Variants in NEO1 observed in about 807,000 individuals in gnomAD.
The protein encoded by NEO1 is neogenin 1.
A neutral mutation model predicts 159.7 loss-of-function variants in NEO1; 63 were observed. That is an observed-to-expected ratio of 0.39 (90% CI 0.32 to 0.49). The LOEUF (loss-of-function observed/expected upper bound fraction) is 0.49, where lower values mean the gene tolerates loss of function less well. NEO1 is among the 20% of genes least tolerant of loss of function. The pLI is 0.85. For missense variants in NEO1, 1,615 were observed against 1,831.0 expected (o/e 0.88, Z 2.15); for synonymous variants, 633 against 662.0 (o/e 0.96, Z 0.67).
intron 6 of NEO1, 85 bp downstream of exon 6, chr15:73,176,642 A>G (rs181530230): frequency 5.1e-5 from 52 of 1,027,584 alleles, no homozygotes; most frequent in Admixed American, 1.1e-4. Context: ...GTTATCTTAT[A>G]TATACTAGTT....
chr15:73,256,340 A>C (rs1261856070), intron 13 of NEO1, among the ~76,000 whole-genome samples: 3 of 152,030 alleles, frequency 2.0e-5, no homozygotes, highest in African/African-American at 7.2e-5. Flanking sequence ...TCTCTACTAA[A>C]AATACAAAAA....
chr15:73,052,800 C>A lies in NEO1; in HGVS notation c.125C>A (p.Ser42Tyr). The change falls in exon 1 of 29, where the codon TCC (serine) becomes TAC (tyrosine). Residue 42 changes from serine to tyrosine, a missense_variant. Physicochemically the swap from Ser to Tyr is moderately radical, Grantham distance 144. Transcript: ENST00000261908. ...GCCAGGAGCGGCTCCGCGCCGCAGT[C>A]CCCAGGTAAGCGGCGGGCGCGGGCC... ...AAARSGSAPQ[S>Y]PGASIRTFTP... The A allele has an allele frequency of 2.9e-6, 3 of 1,025,416 alleles. No homozygotes were observed. Among genetic ancestry groups the A allele is most frequent in the Non-Finnish European group, 3.6e-6 (3 of 836,980 alleles). The allele number at this position is 1,025,416 out of a possible 1,614,324, so 63.5% of individuals were successfully genotyped here.
intron 1 of NEO1, among the ~76,000 whole-genome samples, chr15:73,065,312 T>C (rs998211215): frequency 2.6e-5 from 4 of 152,254 alleles, no homozygotes; most frequent in South Asian, 2.1e-4. Flanking sequence ...TTTTTTTTTT[T>C]CTGCATCTCT....
intron 1 of NEO1, among the ~76,000 whole-genome samples, chr15:73,102,967 A>G (rs533117638): frequency 3.2e-4 from 49 of 152,258 alleles, no homozygotes; most frequent in Non-Finnish European, 6.2e-4. Flanking sequence ...GAAACTTGTC[A>G]TTCATCTTCA....
At chr15:73,078,809 T>C (rs1567145677) in intron 1 of NEO1, among the ~76,000 whole-genome samples, 2 of 152,344 alleles carry the variant, frequency 1.3e-5, no homozygotes, top group South Asian at 2.1e-4. Context: ...CTCTGTGCTT[T>C]AGTTTTCTCA....
At position 73,180,948 on chromosome 15, in the gene NEO1, GAGCTCTTCTTTTTT is replaced by G. The variant is rs1318417451; in HGVS notation, c.1291+2524_1291+2537del. On this transcript the variant is annotated intron_variant, in intron 7 of 28. Transcript: ENST00000261908. ...AGGAATACAGTAACTTACTAGATCTGAGCTCTTCTTTTTTAGAGTTTACAATATAATAAGGGATG... is the reference window on the plus strand; with the variant it reads ...AGGAATACAGTAACTTACTAGATCTGAGAGTTTACAATATAATAAGGGATG... Among the ~76,000 whole-genome samples, 6 of 152,222 alleles carry G rather than the reference GAGCTCTTCTTTTTT, an allele frequency of 3.9e-5. No homozygotes were observed. The East Asian group carries it at 1.2e-3, about 29-fold the overall frequency.
intron 26 of NEO1, 142 bp from the exon 27 acceptor site, chr15:73,298,206 G>C (rs1448583916): frequency 1.0e-6 from 1 of 965,682 alleles, no homozygotes; most frequent in East Asian, 2.6e-5. Context: ...TGGCAGTGGT[G>C]CTAATCCATG....
intron 5 of NEO1, among the ~76,000 whole-genome samples, chr15:73,154,257 A>G (rs140931084): frequency 3.0e-4 from 46 of 152,292 alleles, no homozygotes; most frequent in African/African-American, 9.9e-4. Context: ...TATCGGGTAC[A>G]TGAGATATTT....
chr15:73,149,800 G>A (rs1393985365), intron 5 of NEO1, among the ~76,000 whole-genome samples: 1 of 152,118 alleles, frequency 6.6e-6, no homozygotes, highest in Non-Finnish European at 1.5e-5. Context: ...AGTATTTAAT[G>A]ATAAAAATCA....
Position 73,196,045 on chromosome 15 carries a change from G to A in NEO1, c.1291+17618G>A, listed in dbSNP as rs957387090. ...TTTTATTGGACTGAATGGGTAATGAGCAGAAATACCTTTCTGCTTTTTGTC... is the reference window on the plus strand; with the variant it reads ...TTTTATTGGACTGAATGGGTAATGAACAGAAATACCTTTCTGCTTTTTGTC... On this transcript the variant is annotated intron_variant, in intron 7 of 28. Coordinates refer to ENST00000261908, the MANE Select transcript of NEO1 (RefSeq NM_002499.4). Among the ~76,000 whole-genome samples the A allele has an allele frequency of 7.9e-5, 12 of 152,308 alleles. No homozygotes were observed. The South Asian group carries it at 2.5e-3, about 32-fold the overall frequency.
intron 15 of NEO1, among the ~76,000 whole-genome samples, chr15:73,264,656 A>T (rs2040800849): frequency 6.6e-6 from 1 of 152,216 alleles, no homozygotes; most frequent in Admixed American, 6.5e-5. Flanking sequence ...AGAGGTGGAG[A>T]AATGCAGTTA....
At chr15:73,118,798 T>C (rs1382247336) in intron 2 of NEO1, among the ~76,000 whole-genome samples, 1 of 152,238 alleles carries the variant, frequency 6.6e-6, no homozygotes, top group African/African-American at 2.4e-5. Context: ...AAATAAAAGT[T>C]CTTTTAAATA....
intron 7 of NEO1, among the ~76,000 whole-genome samples, chr15:73,208,439 A>G (rs1410986252): frequency 6.6e-6 from 1 of 152,228 alleles, no homozygotes. Context: ...TCTTTCTCAC[A>G]AGACATCCCA....
intron 7 of NEO1, among the ~76,000 whole-genome samples, chr15:73,180,706 A>G (rs1449313277): frequency 6.6e-6 from 1 of 152,158 alleles, no homozygotes; most frequent in African/African-American, 2.4e-5. Context: ...CTCTGAAAAT[A>G]TTTGGATAGT....
intron 14 of NEO1, among the ~76,000 whole-genome samples, chr15:73,259,849 G>A (rs2040539413): frequency 6.6e-6 from 1 of 152,128 alleles, no homozygotes; most frequent in Non-Finnish European, 1.5e-5. Flanking sequence ...GCTATAATGT[G>A]ATGCTTAAAC....
chr15:73,271,766 A>T (rs1741906508), intron 18 of NEO1, among the ~76,000 whole-genome samples: 1 of 151,838 alleles, frequency 6.6e-6, no homozygotes, highest in Non-Finnish European at 1.5e-5. Flanking sequence ...AATTAGCTGG[A>T]TGTGGTGGTG....
At chr15:73,264,062 T>G (rs1323397401) in intron 15 of NEO1, among the ~76,000 whole-genome samples, 1 of 151,854 alleles carries the variant, frequency 6.6e-6, no homozygotes, top group Non-Finnish European at 1.5e-5. Context: ...TGGTGTGTGC[T>G]TCTAGTCCCA....
chr15:73,210,992 C>T (rs777344155), intron 7 of NEO1, among the ~76,000 whole-genome samples: 46 of 152,274 alleles, frequency 3.0e-4, no homozygotes, highest in Non-Finnish European at 5.3e-4. Context: ...AAACGAATGT[C>T]ATAACATAAA....
chr15:73,279,468 CCT>C (rs2041590550), intron 22 of NEO1, among the ~76,000 whole-genome samples: 1 of 151,606 alleles, frequency 6.6e-6, no homozygotes, highest in Non-Finnish European at 1.5e-5. Context: ...CCTGCCTCAG[CCT>C]CTCGAGTAGC....
Sources: gnomAD v4.1 joint callset for allele counts (sites outside exome capture counted in the v4.1 genomes callset) on GRCh38, gnomAD v4.1.1 for gene constraint, MANE v1.5 for transcripts, NCBI Gene and HGNC (gene_info 2026-07-23, HGNC 2026-07-21) for gene names.